Variants in DCAF5 observed in about 807,000 individuals in gnomAD.
DCAF5 encodes the protein DDB1- and CUL4-associated factor 5.
In DCAF5, 9 loss-of-function variants were observed where a neutral mutation model predicts 80.7. The ratio of observed to expected loss-of-function variants is 0.11; its 90% CI spans 0.07 to 0.19. DCAF5 has a LOEUF of 0.19. Ranked by LOEUF, DCAF5 falls within the 10% of genes least tolerant of loss-of-function variation. The probability of loss-of-function intolerance (pLI) is 1.00; values close to 1 mark genes in which losing one functional copy is unlikely to be tolerated. For synonymous variants in DCAF5, 433 were observed against 461.9 expected, an observed-to-expected ratio of 0.94 and a Z score of 0.80; for missense variants, 842 against 1,205.7, an observed-to-expected ratio of 0.70 and a Z score of 4.47.
chr14:69,089,785 G>A (rs2039467387), intron 6 of DCAF5: 1 of 361,656 alleles, frequency 2.8e-6, no homozygotes, highest in Non-Finnish European at 3.8e-6. Flanking sequence ...ATTTTTGGTT[G>A]CCTGGAGGAT....
rs770160949 is a variant in DCAF5 at position 69,054,017 on chromosome 14, C to T, written c.2669G>A (p.Cys890Tyr). 4.3e-5 allele frequency: 69 copies of T among 1,612,372 alleles called. No homozygotes were observed. The highest frequency in any genetic ancestry group is 5.5e-5 in the Non-Finnish European group (65 of 1,178,626). ...HKDCCGSEMA[C>Y]ETPNAGTRED... ...TCTTGTTCCAGCATTGGGGGTCTCA[C>T]AGGCCATTTCAGACCCGCAACAATC... The change falls in exon 9 of 9, where the codon TGT becomes TAT. Residue 890 changes from cysteine (C) to tyrosine (Y), a missense_variant. Physicochemically the swap from Cys to Tyr is radical, Grantham distance 194 (BLOSUM62 -2). This residue lies in a region of DCAF5 where 607 missense variants were observed against 656.6 expected (regional missense o/e 0.92). Coordinates refer to ENST00000341516, the MANE Select transcript of DCAF5 (RefSeq NM_003861.3).
At chr14:69,143,992 T>C (rs982802528) in intron 1 of DCAF5, 10 of 152,326 alleles carry the variant, frequency 6.6e-5, no homozygotes, top group African/African-American at 2.4e-4. Context: ...ATGAATTCTA[T>C]TTTTCCACTA....
intron 1 of DCAF5, among the ~76,000 whole-genome samples, chr14:69,148,577 C>T (rs1032775245): frequency 6.6e-6 from 1 of 152,040 alleles, no homozygotes; most frequent in African/African-American, 2.4e-5. Context: ...CACATGTAAT[C>T]CCAGCTACTC....
At chr14:69,111,092 C>G (rs2040349391) in intron 5 of DCAF5, among the ~76,000 whole-genome samples, 1 of 152,200 alleles carries the variant, frequency 6.6e-6, no homozygotes, top group Non-Finnish European at 1.5e-5. Flanking sequence ...CAACAAACAT[C>G]AGAGCATGAG....
chr14:69,130,870 G>C (rs2041020025), intron 1 of DCAF5, among the ~76,000 whole-genome samples: 1 of 152,130 alleles, frequency 6.6e-6, no homozygotes, highest in African/African-American at 2.4e-5. Context: ...TTCAAATCTT[G>C]GTTTCGCCAT....
intron 6 of DCAF5, chr14:69,085,071 C>T (rs185772691): frequency 1.5e-4 from 169 of 1,108,396 alleles, no homozygotes; most frequent in Non-Finnish European, 2.2e-4. Flanking sequence ...TCAGTCTCAG[C>T]TTGAGAAATT....
At chr14:69,151,510 T>C (rs1454493799) in intron 1 of DCAF5, among the ~76,000 whole-genome samples, 1 of 152,172 alleles carries the variant, frequency 6.6e-6, no homozygotes, top group Admixed American at 6.5e-5. Context: ...CGTCCAGCGC[T>C]GGGTTCCCCC....
At chr14:69,126,155 CT>C (rs1192300819) in intron 1 of DCAF5, among the ~76,000 whole-genome samples, 821 of 128,612 alleles carry the variant, frequency 6.4e-3, no homozygotes, top group Middle Eastern at 8.2e-3. Flanking sequence ...GACAGAGATT[CT>C]TTTTTTTTTT....
At chr14:69,058,800 G>C (rs1179477475) in intron 8 of DCAF5, among the ~76,000 whole-genome samples, 1 of 151,542 alleles carries the variant, frequency 6.6e-6, no homozygotes, top group Admixed American at 6.6e-5. Context: ...CTAAGCCTGG[G>C]GAGGTTGAGG....
At chr14:69,089,832 G>C (rs2039469861) in intron 6 of DCAF5, 1 of 678,296 alleles carries the variant, frequency 1.5e-6, no homozygotes, top group African/African-American at 2.0e-5. Context: ...AGTAGGAAGA[G>C]GCTAGGGATA....
rs74650157 is a variant in DCAF5 at position 69,146,758 on chromosome 14, T to C, written c.214+6007A>G. Among the ~76,000 whole-genome samples, 1,327 of 152,314 alleles carry C rather than the reference T, an allele frequency of 8.7e-3. 21 individuals are homozygous for C. The highest frequency in any genetic ancestry group is 0.03 in the African/African-American group (1,267 of 41,556). On this transcript the variant is annotated intron_variant, in intron 1 of 8. Coordinates refer to ENST00000341516, the MANE Select transcript of DCAF5 (RefSeq NM_003861.3). ...ACAGTATGCACTCAAAAACTATTTGTTGCACTAATAAATAGATCAAATAAT... is the reference window on the plus strand; with the variant it reads ...ACAGTATGCACTCAAAAACTATTTGCTGCACTAATAAATAGATCAAATAAT...
At chr14:69,075,920 C>T (rs564254503) in intron 6 of DCAF5, among the ~76,000 whole-genome samples, 4 of 152,146 alleles carry the variant, frequency 2.6e-5, no homozygotes, top group South Asian at 4.1e-4. Context: ...GGCATGTTAG[C>T]TAAAACTCAG....
At chr14:69,115,422 G>A (rs560663730) in intron 5 of DCAF5, among the ~76,000 whole-genome samples, 8 of 152,124 alleles carry the variant, frequency 5.3e-5, no homozygotes, top group Non-Finnish European at 1.2e-4. Context: ...ATAATCTTCT[G>A]TACTTAACTA....
In DCAF5 at chr14:69,118,512, T is replaced by C. The variant is rs1309528798; in HGVS notation, c.396-234A>G. Among the ~76,000 whole-genome samples, 2 of 152,202 alleles carry C rather than the reference T, an allele frequency of 1.3e-5. No homozygotes were observed. The highest frequency in any genetic ancestry group is 2.9e-5 in the Non-Finnish European group (2 of 68,034). ...TTATAATTTTTGTGCTAAATAAGCATATTTAAAAGTGACTCAATAGCTGAG... is the reference window on the plus strand; with the variant it reads ...TTATAATTTTTGTGCTAAATAAGCACATTTAAAAGTGACTCAATAGCTGAG... On this transcript the variant is annotated intron_variant, in intron 3 of 8. Coordinates refer to ENST00000341516, the MANE Select transcript of DCAF5 (RefSeq NM_003861.3). The surrounding 1 kb of genome is among the most constrained non-coding windows in gnomAD (Gnocchi z 4.0).
intron 6 of DCAF5, chr14:69,084,057 A>C (rs2039221362): frequency 1.3e-6 from 1 of 781,796 alleles, no homozygotes; most frequent in Non-Finnish European, 2.4e-6. Context: ...AAAAACCGTC[A>C]GTGGTAAAAC....
In DCAF5 at chr14:69,129,921, G is replaced by A. The variant is rs569359371; in HGVS notation, c.215-7561C>T. ...CCAAGAAAATACAACTACATACTCT[G>A]GTTTTGGTTTTTTGGGTTGGTTTCA... On this transcript the variant is annotated intron_variant, in intron 1 of 8. Coordinates refer to ENST00000341516, the MANE Select transcript of DCAF5 (RefSeq NM_003861.3). 3.3e-5 allele frequency among the ~76,000 whole-genome samples: 5 copies of A among 152,248 alleles called. No homozygotes were observed. The East Asian group carries it at 9.6e-4, about 29-fold the overall frequency.
chr14:69,111,596 A>C (rs973102080), intron 5 of DCAF5, among the ~76,000 whole-genome samples: 9 of 152,176 alleles, frequency 5.9e-5, no homozygotes, highest in Admixed American at 5.9e-4. Context: ...AGGATGAGAC[A>C]AGTAGAGTGA....
At chr14:69,084,412 G>A in intron 6 of DCAF5, 2 of 895,484 alleles carry the variant, frequency 2.2e-6, no homozygotes, top group Non-Finnish European at 3.8e-6. Context: ...AGTTTGAAGA[G>A]GAATTAAAAC....
intron 6 of DCAF5, among the ~76,000 whole-genome samples, chr14:69,082,547 G>A (rs1473872876): frequency 6.6e-6 from 1 of 152,140 alleles, no homozygotes; most frequent in Non-Finnish European, 1.5e-5. Context: ...ATTACCAACA[G>A]CTGGTTATAA....
Sources: allele counts gnomAD v4.1 joint callset (sites outside exome capture counted in the v4.1 genomes callset), GRCh38; gene constraint gnomAD v4.1.1; regional missense constraint gnomAD v4.1.1; non-coding constraint Gnocchi (gnomAD v3.1); transcripts MANE v1.5; gene names NCBI Gene and HGNC (gene_info 2026-07-23, HGNC 2026-07-21).